Variants in SLC39A11 observed in about 807,000 individuals in gnomAD.
SLC39A11 encodes solute carrier family 39 member 11.
In SLC39A11, 33 loss-of-function variants were observed where a neutral mutation model predicts 36.1. That is an observed-to-expected ratio of 0.91 (90% CI 0.69 to 1.22). The LOEUF is 1.22. SLC39A11 is among the 50% of genes most tolerant of loss of function. The pLI, the probability that SLC39A11 is intolerant of heterozygous loss-of-function variation, is 0.00. For synonymous variants in SLC39A11, 166 were observed against 170.3 expected (o/e 0.97, Z 0.20); for missense variants, 432 against 430.3 (o/e 1.00, Z -0.03).
chr17:72,989,100 C>T (rs920734353), intron 4 of SLC39A11, among the ~76,000 whole-genome samples: 23 of 152,156 alleles, frequency 1.5e-4, no homozygotes, highest in African/African-American at 5.3e-4. Context: ...ACAATGTGAA[C>T]GTATTTATTA....
At chr17:73,037,786 G>A (rs1317001010) in intron 3 of SLC39A11, among the ~76,000 whole-genome samples, 8 of 152,196 alleles carry the variant, frequency 5.3e-5, no homozygotes. Context: ...AAATGAAAAT[G>A]AAAAGCCCAC....
intron 4 of SLC39A11, among the ~76,000 whole-genome samples, chr17:72,981,471 G>A (rs1037768956): frequency 4.0e-5 from 6 of 151,880 alleles, no homozygotes; most frequent in African/African-American, 1.5e-4. Context: ...AGACTTCTGA[G>A]AGCCATCTGG....
intron 3 of SLC39A11, among the ~76,000 whole-genome samples, chr17:73,058,159 A>G (rs2059730601): frequency 6.6e-6 from 1 of 152,048 alleles, no homozygotes; most frequent in Non-Finnish European, 1.5e-5. Flanking sequence ...CTTGCCTTTC[A>G]CCATTTTGTC....
chr17:73,032,943 T>C (rs978919325), intron 3 of SLC39A11, among the ~76,000 whole-genome samples: 26 of 152,208 alleles, frequency 1.7e-4, no homozygotes, highest in African/African-American at 6.3e-4. Flanking sequence ...GGTAATTTGC[T>C]CATGGTCCTA....
intron 3 of SLC39A11, among the ~76,000 whole-genome samples, chr17:73,051,420 C>T (rs909302091): frequency 6.6e-6 from 1 of 152,192 alleles, no homozygotes; most frequent in Non-Finnish European, 1.5e-5. Context: ...AGGACATTTT[C>T]CAACCCAAGG....
intron 6 of SLC39A11, among the ~76,000 whole-genome samples, chr17:72,820,135 T>C (rs2077715187): frequency 6.6e-6 from 1 of 151,344 alleles, no homozygotes; most frequent in South Asian, 2.1e-4. Flanking sequence ...TCACTGACTA[T>C]GGTCTTGGGT....
intron 7 of SLC39A11, among the ~76,000 whole-genome samples, chr17:72,661,041 C>T (rs2070389111): frequency 1.3e-5 from 2 of 152,196 alleles, no homozygotes; most frequent in Admixed American, 1.3e-4. Flanking sequence ...TCTCACGCAT[C>T]TCATTTGAGA....
intron 7 of SLC39A11, among the ~76,000 whole-genome samples, chr17:72,687,497 C>T (rs1376144302): frequency 2.0e-5 from 3 of 152,318 alleles, no homozygotes; most frequent in African/African-American, 2.4e-5. Flanking sequence ...CCTGCCTCGA[C>T]ATCCCAAAGT....
chr17:73,024,864 A>ATTTTTTTTT (rs1163840820), intron 4 of SLC39A11, among the ~76,000 whole-genome samples: 422 of 97,788 alleles, frequency 4.3e-3, no homozygotes, highest in African/African-American at 0.012. Flanking sequence ...TGCCCAGCTA[A>ATTTTTTTTT]TTTTTTTTTT....
At chr17:72,659,191 A>G (rs1446595816) in intron 7 of SLC39A11, among the ~76,000 whole-genome samples, 9 of 152,166 alleles carry the variant, frequency 5.9e-5, no homozygotes, top group African/African-American at 2.2e-4. Flanking sequence ...TCTTCAAGGA[A>G]CTTATAATCT....
At chr17:72,741,146 T>G (rs1269252473) in intron 6 of SLC39A11, among the ~76,000 whole-genome samples, 1 of 152,062 alleles carries the variant, frequency 6.6e-6, no homozygotes, top group Non-Finnish European at 1.5e-5. Context: ...GGCTACAAAA[T>G]TGTTACAGTA....
At chr17:72,834,433 C>T (rs193058553) in intron 6 of SLC39A11, among the ~76,000 whole-genome samples, 1 of 152,062 alleles carries the variant, frequency 6.6e-6, no homozygotes, top group Non-Finnish European at 1.5e-5. Context: ...ACCAGCCTGG[C>T]CAATATGGTG....
At chr17:72,878,561 C>T (rs1055801377) in intron 5 of SLC39A11, among the ~76,000 whole-genome samples, 13 of 152,284 alleles carry the variant, frequency 8.5e-5, no homozygotes, top group South Asian at 4.1e-4. Context: ...TACTCACATG[C>T]CATCTTCTCA....
At chr17:72,668,615 G>C (rs145685426) in intron 7 of SLC39A11, among the ~76,000 whole-genome samples, 1 of 152,210 alleles carries the variant, frequency 6.6e-6, no homozygotes, top group Admixed American at 6.5e-5. Context: ...AGGAGAGAGA[G>C]CACAACCACA....
At chr17:72,769,607 C>T (rs962886542) in intron 6 of SLC39A11, among the ~76,000 whole-genome samples, 3 of 151,596 alleles carry the variant, frequency 2.0e-5, no homozygotes, top group Non-Finnish European at 4.4e-5. Context: ...TGGAGTGGCC[C>T]GATCTCGGCT....
intron 7 of SLC39A11, among the ~76,000 whole-genome samples, chr17:72,702,460 C>T (rs1479827038): frequency 1.3e-5 from 2 of 152,160 alleles, no homozygotes; most frequent in Non-Finnish European, 2.9e-5. Flanking sequence ...CACCCCCCGC[C>T]TACAACAAAG....
At chr17:72,806,097 C>G (rs550194642) in intron 6 of SLC39A11, among the ~76,000 whole-genome samples, 35 of 152,166 alleles carry the variant, frequency 2.3e-4, no homozygotes, top group African/African-American at 6.7e-4. Context: ...AGCTGGGAAA[C>G]GAAGAGAGAC....
At chr17:73,062,398 G>T (rs1420319078) in intron 3 of SLC39A11, among the ~76,000 whole-genome samples, 1 of 139,766 alleles carries the variant, frequency 7.2e-6, no homozygotes, top group Non-Finnish European at 1.5e-5. Context: ...GGCAGAGGAG[G>T]TTACAGTGAG....
At chr17:72,736,756 A>G (rs774296782) in intron 6 of SLC39A11, 37 bp from the exon 7 acceptor site, 3 of 1,503,874 alleles carry the variant, frequency 2.0e-6, no homozygotes, top group Admixed American at 3.3e-5. Flanking sequence ...GGGGTTAGGA[A>G]TATTTCCCCA....
Sources: allele counts gnomAD v4.1 joint callset (sites outside exome capture counted in the v4.1 genomes callset), GRCh38; gene constraint gnomAD v4.1.1; transcripts MANE v1.5; gene names NCBI Gene and HGNC (gene_info 2026-07-23, HGNC 2026-07-21).